NLK: variants seen among roughly 807,000 people sequenced by gnomAD.
NLK encodes serine/threonine-protein kinase NLK.
NLK carries 11 observed loss-of-function variants against 59.0 expected under a neutral mutation model. That is an observed-to-expected ratio of 0.19 (90% confidence interval 0.12 to 0.31). The LOEUF (loss-of-function observed/expected upper bound fraction) is 0.31, where lower values mean the gene tolerates loss of function less well. NLK is among the 10% of genes least tolerant of loss of function. The probability of loss-of-function intolerance (pLI) is 1.00; values close to 1 mark genes in which losing one functional copy is unlikely to be tolerated. For synonymous variants in NLK, 235 were observed against 235.9 expected (o/e 1.00, Z 0.03); for missense variants, 410 against 661.1 (o/e 0.62, Z 4.16).
intron 1 of NLK, among the ~76,000 whole-genome samples, chr17:28,079,641 C>G (rs567304893): frequency 1.1e-3 from 164 of 152,134 alleles, no homozygotes; most frequent in African/African-American, 3.8e-3. Flanking sequence ...TGCTTGTTGG[C>G]CATTTGTGTA....
chr17:28,174,458 G>A (rs1002448642), intron 7 of NLK, among the ~76,000 whole-genome samples: 19 of 152,152 alleles, frequency 1.2e-4, no homozygotes, highest in African/African-American at 4.6e-4. Context: ...TTTTGATTTT[G>A]AAGAGAAGAC....
intron 3 of NLK, among the ~76,000 whole-genome samples, chr17:28,137,544 T>C (rs1906808118): frequency 6.6e-6 from 1 of 152,132 alleles, no homozygotes; most frequent in Non-Finnish European, 1.5e-5. Flanking sequence ...TTAAACCTAA[T>C]ATAATAGTTA....
the NLK span, among the ~76,000 whole-genome samples, chr17:28,203,519 T>TC: frequency 6.6e-5 from 10 of 152,182 alleles, no homozygotes; most frequent in Admixed American, 5.2e-4. Flanking sequence ...AGCCAGCACT[T>TC]CCCCTGTTGA....
chr17:28,093,867 A>G (rs907031639), intron 1 of NLK, among the ~76,000 whole-genome samples: 6 of 152,188 alleles, frequency 3.9e-5, no homozygotes, highest in Non-Finnish European at 5.9e-5. Flanking sequence ...GGTTTCTGCT[A>G]TTGTTAATAA....
chr17:28,053,252 T>G (rs1003506421), intron 1 of NLK, among the ~76,000 whole-genome samples: 1 of 152,242 alleles, frequency 6.6e-6, no homozygotes, highest in Non-Finnish European at 1.5e-5. Flanking sequence ...ATGACCAAGA[T>G]ACTGCATTTG....
chr17:28,190,070 G>T (rs1909254142), intron 8 of NLK, among the ~76,000 whole-genome samples: 1 of 152,154 alleles, frequency 6.6e-6, no homozygotes, highest in Admixed American at 6.5e-5. Context: ...AACAAAAGTG[G>T]TTTTCATTTT....
In NLK at chr17:28,194,693, A is replaced by G. The variant is rs1567744014; in HGVS notation, c.*57A>G. ...ATGTAGCTTTCCACTGGAGTCTGGGATTTGCAATTCTGGAGGTTAATCATG... is the reference window on the plus strand; with the variant it reads ...ATGTAGCTTTCCACTGGAGTCTGGGGTTTGCAATTCTGGAGGTTAATCATG... On this transcript the variant is annotated 3_prime_UTR_variant, in exon 11 of 11. Transcript: ENST00000407008. 1 of 1,313,518 alleles carries G rather than the reference A, an allele frequency of 7.6e-7. No individual in the cohort carries two copies. Among genetic ancestry groups the G allele is most frequent in the Non-Finnish European group, 1.1e-6 (1 of 936,052 alleles). The allele number at this position is 1,313,518 out of a possible 1,614,324, so 81.4% of individuals were successfully genotyped here. A position where few individuals can be genotyped will look rare whatever the true frequency, so the allele number is the denominator to read the frequency against.
intron 1 of NLK, among the ~76,000 whole-genome samples, chr17:28,108,274 AT>A (rs1309819529): frequency 6.6e-6 from 1 of 152,212 alleles, no homozygotes; most frequent in Non-Finnish European, 1.5e-5. Flanking sequence ...TATAAAGGAA[AT>A]GTAAGGGTTT....
At chr17:28,116,005 T>G (rs542759333) in intron 1 of NLK, among the ~76,000 whole-genome samples, 1 of 152,254 alleles carries the variant, frequency 6.6e-6, no homozygotes, top group East Asian at 1.9e-4. Flanking sequence ...TATTTTTTAT[T>G]GTTGTTGCTG....
At chr17:28,172,490 A>G in intron 6 of NLK, 27 bp from the exon 7 acceptor site, 2 of 1,459,544 alleles carry the variant, frequency 1.4e-6, no homozygotes, top group Non-Finnish European at 1.9e-6. Flanking sequence ...TGAGATTACT[A>G]TCTATCTGTA....
At chr17:28,174,752 ACT>A (rs1056611757) in intron 7 of NLK, among the ~76,000 whole-genome samples, 8 of 152,192 alleles carry the variant, frequency 5.3e-5, no homozygotes, top group South Asian at 2.1e-4. Flanking sequence ...TATCATCGCT[ACT>A]CTCATGAGAT....
At position 28,185,253 on chromosome 17, in the gene NLK, G is replaced by T; in HGVS notation, c.1224G>T (p.Leu408Phe). The T allele has an allele frequency of 6.3e-7, 1 of 1,578,146 alleles. No homozygotes were observed. Among genetic ancestry groups the T allele is most frequent in the Non-Finnish European group, 8.6e-7 (1 of 1,159,320 alleles). Residue 408 changes from leucine to phenylalanine, a missense_variant, in exon 8 of 11, where the codon TTG becomes TTT. Around this residue, in one of 5 missense-constraint regions of NLK, gnomAD observed 150 missense variants for 244.3 expected, o/e 0.61. Coordinates refer to ENST00000407008, the MANE Select transcript of NLK (RefSeq NM_016231.5). ...HEAVHLLCRM[L>F]VFDPSKRISA... ...CTGTTCATCTCCTTTGCAGGATGTT[G>T]GTCTTTGATCCAGTAAGTAGTGTTT...
chr17:28,103,841 C>T (rs1472201064), intron 1 of NLK, among the ~76,000 whole-genome samples: 3 of 152,154 alleles, frequency 2.0e-5, no homozygotes, highest in Non-Finnish European at 4.4e-5. Flanking sequence ...ACTTAACCTG[C>T]TAATTTTTTG....
At chr17:28,162,636 C>CA (rs555751233) in intron 4 of NLK, among the ~76,000 whole-genome samples, 4 of 150,938 alleles carry the variant, frequency 2.7e-5, no homozygotes, top group Non-Finnish European at 4.4e-5. Context: ...GACTCCGTCT[C>CA]AAAAAAAACA....
chr17:28,189,026 A>G (rs1051667320), intron 8 of NLK, among the ~76,000 whole-genome samples: 3 of 151,686 alleles, frequency 2.0e-5, no homozygotes, highest in Non-Finnish European at 4.4e-5. Flanking sequence ...GAACATCCCT[A>G]ATTTGGAACT....
intron 7 of NLK, among the ~76,000 whole-genome samples, chr17:28,182,088 T>G (rs555702075): frequency 1.2e-4 from 18 of 152,292 alleles, no homozygotes; most frequent in Admixed American, 1.2e-3. Flanking sequence ...AACCCCCTCA[T>G]TTTATACTTA....
At chr17:28,057,487 A>C (rs1218427481) in intron 1 of NLK, among the ~76,000 whole-genome samples, 1 of 152,182 alleles carries the variant, frequency 6.6e-6, no homozygotes, top group Non-Finnish European at 1.5e-5. Context: ...TGTAAATCAA[A>C]TGTGTAAATC....
At chr17:28,065,696 T>C (rs1163613731) in intron 1 of NLK, among the ~76,000 whole-genome samples, 1 of 152,214 alleles carries the variant, frequency 6.6e-6, no homozygotes, top group East Asian at 1.9e-4. Flanking sequence ...CAAACTTTAT[T>C]ACAAATTGGC....
chr17:28,152,222 A>C (rs34515974), intron 3 of NLK, among the ~76,000 whole-genome samples: 169 of 152,316 alleles, frequency 1.1e-3, no homozygotes, highest in African/African-American at 3.9e-3. Flanking sequence ...CCCTCCAGTC[A>C]CTTTTCCATT....
Sources: gnomAD v4.1 joint callset for allele counts (sites outside exome capture counted in the v4.1 genomes callset) on GRCh38, gnomAD v4.1.1 for gene constraint, gnomAD v4.1.1 regional missense constraint, MANE v1.5 for transcripts, NCBI Gene and HGNC (gene_info 2026-07-23, HGNC 2026-07-21) for gene names.